Variants in CSF2RB observed in about 807,000 individuals in gnomAD.
The protein encoded by CSF2RB is colony stimulating factor 2 receptor subunit beta.
A neutral mutation model predicts 67.2 loss-of-function variants in CSF2RB; 22 were observed. That is an observed-to-expected ratio of 0.33 (90% CI 0.23 to 0.47). CSF2RB has a LOEUF of 0.47. CSF2RB is among the 20% of genes least tolerant of loss of function. The probability of loss-of-function intolerance (pLI) is 1.00; values close to 1 mark genes in which losing one functional copy is unlikely to be tolerated. For missense variants in CSF2RB, 1,113 were observed against 1,174.5 expected (o/e 0.95, Z 0.76); for synonymous variants, 507 against 482.9 (o/e 1.05, Z -0.65).
In CSF2RB at chr22:36,937,977, AG is replaced by A. The variant is rs1941308055; in HGVS notation, c.2173del (p.Ala725ProfsTer6). On this transcript the variant is annotated frameshift_variant, in exon 14 of 14. Transcript: ENST00000403662. LOFTEE classifies it low-confidence loss of function (END_TRUNC). The surrounding 1 kb of genome is among the most constrained non-coding windows in gnomAD (Gnocchi z 4.6). Reference protein sequence around the residue: ...SADLVFTPNSGASSVSLVPSL... With the variant: ...SADLVFTPNSXASSVSLVPSL... ...CAGACCTGGTATTCACCCCAAACTC[AG>A]GGGCCTCGTCTGTCTCCCTAGTTCC... The A allele has an allele frequency of 6.2e-7, 1 of 1,613,942 alleles. No individual in the cohort carries two copies. The highest frequency in any genetic ancestry group is 1.3e-5 in the African/African-American group (1 of 74,888).
intron 1 of CSF2RB, among the ~76,000 whole-genome samples, chr22:36,914,859 T>G (rs1189616538): frequency 1.3e-5 from 2 of 152,196 alleles, no homozygotes; most frequent in African/African-American, 4.8e-5. Context: ...GGATAATTCA[T>G]GAGTTGTATA....
intron 8 of CSF2RB, among the ~76,000 whole-genome samples, 179 bp downstream of exon 8, chr22:36,931,009 A>G (rs1474119855): frequency 2.0e-5 from 3 of 152,200 alleles, no homozygotes; most frequent in Non-Finnish European, 2.9e-5. Flanking sequence ...GCAGTGGCCA[A>G]AAACAGGAGC....
At chr22:36,922,763 C>T in intron 2 of CSF2RB, 1 of 282,454 alleles carries the variant, frequency 3.5e-6, no homozygotes, top group Non-Finnish European at 6.9e-6. Context: ...CTCCCAGAGA[C>T]CTGGCTTCTG....
intron 8 of CSF2RB, 147 bp downstream of exon 8, chr22:36,930,977 G>C: frequency 2.0e-6 from 2 of 1,002,478 alleles, no homozygotes; most frequent in Non-Finnish European, 3.0e-6. Context: ...AAAGTGAACA[G>C]AGAAGCAATG....
In CSF2RB at chr22:36,930,824, G is replaced by A. The variant is rs1569136311; in HGVS notation, c.1006G>A (p.Val336Met). Residue 336 changes from valine to methionine, a missense_variant, in exon 8 of 14, where the codon GTG becomes ATG. Val to Met is a conservative substitution (Grantham distance 21). Transcript: ENST00000403662. ...GGCAGAGAAACACATAAAGAGCTCA[G>A]TGAACAGTGAGTTTGCTCCTAGCCC... ...RRAEKHIKSS[V>M]NIQMAPPSLN... 2 of 1,614,180 alleles carry A rather than the reference G, an allele frequency of 1.2e-6. No homozygotes were observed. The highest frequency in any genetic ancestry group is 8.5e-7 in the Non-Finnish European group (1 of 1,180,032).
chr22:36,920,516 A>G (rs1312471431), intron 1 of CSF2RB, among the ~76,000 whole-genome samples: 1 of 152,248 alleles, frequency 6.6e-6, no homozygotes, highest in Non-Finnish European at 1.5e-5. Context: ...AGCCTCCAGA[A>G]CTATGAGAAA....
At chr22:36,928,343 C>T (rs544280447) in intron 4 of CSF2RB, among the ~76,000 whole-genome samples, 56 of 152,194 alleles carry the variant, frequency 3.7e-4, no homozygotes, top group East Asian at 2.5e-3. Flanking sequence ...AGGGCTCTGC[C>T]GGGAAGAGCT....
intron 3 of CSF2RB, chr22:36,923,914 C>T (rs543354366): frequency 3.8e-5 from 21 of 557,366 alleles, no homozygotes; most frequent in Admixed American, 1.6e-4. Context: ...GCCCCCCCTC[C>T]GTATGTGGGC....
chr22:36,926,137 G>A lies in CSF2RB; in HGVS notation c.351G>A (p.Arg117=), dbSNP rs781269565. The change falls in exon 4 of 14, where the codon AGG becomes AGA. Residue 117 remains arginine (R), a synonymous_variant. Coordinates refer to ENST00000403662, the MANE Select transcript of CSF2RB (RefSeq NM_000395.3). ...DVDYFSFQPD[R]PLGTRLTVTL... ...ACTACTTCTCATTCCAACCAGACAG[G>A]CCTCTGGGCACCCGGCTCACCGTCA... is the stretch of plus-strand genomic sequence containing the variant. The A allele has an allele frequency of 2.5e-6, 4 of 1,614,204 alleles. No individual in the cohort carries two copies. The highest frequency in any genetic ancestry group is 1.1e-5 in the South Asian group (1 of 91,080).
At chr22:36,914,051 G>C (rs1049128813) in intron 1 of CSF2RB, among the ~76,000 whole-genome samples, 1 of 152,070 alleles carries the variant, frequency 6.6e-6, no homozygotes, top group African/African-American at 2.4e-5. Context: ...TAAGATGCTG[G>C]TGGTAGTGAG....
At position 36,938,082 on chromosome 22, in the gene CSF2RB, T is replaced by C. The variant is rs370988240; in HGVS notation, c.2274T>C (p.Pro758=). ...LASGPPGAPG[P]VKSGFEGYVE... is the part of the protein sequence containing the mutation. ...GTGGACCCCCTGGAGCCCCAGGCCC[T>C]GTGAAGTCAGGGTTTGAGGGCTATG... is the stretch of plus-strand genomic sequence containing the variant. The change falls in exon 14 of 14, where the codon CCT becomes CCC. Residue 758 remains proline, a synonymous_variant. Coordinates refer to ENST00000403662, the MANE Select transcript of CSF2RB (RefSeq NM_000395.3). 1.2e-6 allele frequency: 2 copies of C among 1,613,952 alleles called. No homozygotes were observed. The highest frequency in any genetic ancestry group is 1.7e-6 in the Non-Finnish European group (2 of 1,179,942).
chr22:36,918,913 C>A (rs185001119), intron 1 of CSF2RB, among the ~76,000 whole-genome samples: 1 of 152,298 alleles, frequency 6.6e-6, no homozygotes, highest in African/African-American at 2.4e-5. Context: ...GCTGCTGAAG[C>A]TCCAGCTATC....
At chr22:36,922,896 C>T (rs1484630466) in intron 2 of CSF2RB, among the ~76,000 whole-genome samples, 1 of 151,538 alleles carries the variant, frequency 6.6e-6, no homozygotes, top group Non-Finnish European at 1.5e-5. Context: ...TGAGTGTGTG[C>T]CCCCTCCCAG....
intron 4 of CSF2RB, 50 bp from the exon 5 acceptor site, chr22:36,929,352 T>A: frequency 6.2e-7 from 1 of 1,613,594 alleles, no homozygotes; most frequent in Non-Finnish European, 8.5e-7. Flanking sequence ...AGGCCCTGAC[T>A]GCCCCCCAGC....
intron 1 of CSF2RB, among the ~76,000 whole-genome samples, chr22:36,920,236 A>G (rs991788117): frequency 6.6e-6 from 1 of 152,178 alleles, no homozygotes; most frequent in Non-Finnish European, 1.5e-5. Flanking sequence ...CTCTTTGATG[A>G]TATTGATTTG....
rs1453069411 is a variant in CSF2RB at position 36,939,564 on chromosome 22, G to T, written c.*1062G>T. On this transcript the variant is annotated 3_prime_UTR_variant, in exon 14 of 14. Transcript: ENST00000403662. ...ACAGGAAAAATAATGGCATTAAATT[G>T]CTTTAATTTGCATTATTTTAGTTAT... 3.7e-6 allele frequency: 1 copy of T among 271,690 alleles called. No homozygotes were observed. 16.8% of individuals were successfully genotyped at this position (271,690 alleles called of 1,614,324 possible).
intron 8 of CSF2RB, among the ~76,000 whole-genome samples, chr22:36,931,084 C>T (rs1941139427): frequency 6.6e-6 from 1 of 152,238 alleles, no homozygotes; most frequent in South Asian, 2.1e-4. Flanking sequence ...CTGCAGCTCT[C>T]TAAATCTCCA....
In CSF2RB at chr22:36,937,472, C is replaced by T; in HGVS notation, c.1664C>T (p.Thr555Ile). 6.2e-7 allele frequency: 1 copy of T among 1,614,046 alleles called. No individual in the cohort carries two copies. Among genetic ancestry groups the T allele is most frequent in the Non-Finnish European group, 8.5e-7 (1 of 1,179,974 alleles). Residue 555 changes from threonine (T) to isoleucine (I), a missense_variant, in exon 14 of 14, where the codon ACT becomes ATT. Thr to Ile is a moderately conservative substitution (Grantham distance 89). Coordinates refer to ENST00000403662, the MANE Select transcript of CSF2RB (RefSeq NM_000395.3). This position sits in a 1 kb window ranked among gnomAD's most constrained non-coding sequence, Gnocchi z 4.6. ...VCDPPSGPDT[T>I]PAASDLPTEQ... ...GATCCACCATCTGGGCCTGACACGACTCCAGCTGCCTCAGATCTACCCACA... is the reference window on the plus strand; with the variant it reads ...GATCCACCATCTGGGCCTGACACGATTCCAGCTGCCTCAGATCTACCCACA...
intron 1 of CSF2RB, among the ~76,000 whole-genome samples, chr22:36,918,990 A>C (rs1940787665): frequency 6.6e-6 from 1 of 152,238 alleles, no homozygotes; most frequent in South Asian, 2.1e-4. Context: ...CTCCCACCTA[A>C]GTCAACTGCC....
Sources: allele counts gnomAD v4.1 joint callset (sites outside exome capture counted in the v4.1 genomes callset), GRCh38; gene constraint gnomAD v4.1.1; non-coding constraint Gnocchi (gnomAD v3.1); transcripts MANE v1.5; gene names NCBI Gene and HGNC (gene_info 2026-07-23, HGNC 2026-07-21).